The following NR1H2 variants were observed in gnomAD, a reference collection of about 807,000 sequenced individuals.
The protein encoded by NR1H2 is oxysterols receptor LXR-beta.
NR1H2 carries 33 observed loss-of-function variants against 51.2 expected under a neutral mutation model. The observed-to-expected ratio is 0.64, with a 90% CI of 0.49 to 0.86. The LOEUF (loss-of-function observed/expected upper bound fraction) is 0.86, where lower values mean the gene tolerates loss of function less well. Among genes scored for constraint, NR1H2 ranks in the 40% least tolerant of loss-of-function variants. The pLI is 0.00. For synonymous variants in NR1H2, 310 were observed against 264.3 expected, an observed-to-expected ratio of 1.17 and a Z score of -1.68; for missense variants, 592 against 639.9, an observed-to-expected ratio of 0.93 and a Z score of 0.81.
At chr19:50,377,513 C>T (rs2037686183) in intron 2 of NR1H2, 74 bp from the exon 3 acceptor site, 2 of 1,173,388 alleles carry the variant, frequency 1.7e-6, no homozygotes, top group Admixed American at 2.2e-5. Context: ...AGGGAAAGCC[C>T]TGTCAGGACC....
Position 50,377,869 on chromosome 19 carries a change from G to T in NR1H2, c.180G>T (p.Trp60Cys). 6.4e-7 allele frequency: 1 copy of T among 1,553,856 alleles called. No individual in the cohort carries two copies. Among genetic ancestry groups the T allele is most frequent in the African/African-American group, 1.4e-5 (1 of 72,616 alleles). ...DEASSACSTD[W>C]VIPDPEEEPE... ...CCAGCTCAGCCTGCAGCACAGACTGGGGTGAGACAGGGCCCTGGAGTTGAT... is the reference window on the plus strand; with the variant it reads ...CCAGCTCAGCCTGCAGCACAGACTGTGGTGAGACAGGGCCCTGGAGTTGAT... Residue 60 changes from tryptophan to cysteine, a missense_variant and splice_region_variant, in exon 4 of 10, where the codon TGG (tryptophan) becomes TGT (cysteine). Around this residue, in one of 3 missense-constraint regions of NR1H2, gnomAD observed 316 missense variants for 313.4 expected, o/e 1.01. Transcript: ENST00000253727.
intron 9 of NR1H2, 26 bp from the exon 10 acceptor site, chr19:50,382,430 C>T (rs1170425838): frequency 6.4e-7 from 1 of 1,565,348 alleles, no homozygotes; most frequent in African/African-American, 1.3e-5. Context: ...GGGGCTCAGC[C>T]AGCGCCCACC....
Position 50,377,795 on chromosome 19 carries a change from G to C in NR1H2, c.106G>C (p.Glu36Gln), listed in dbSNP as rs1247463965. 1.2e-6 allele frequency: 2 copies of C among 1,610,926 alleles called. No individual in the cohort carries two copies. Among genetic ancestry groups the C allele is most frequent in the African/African-American group, 1.3e-5 (1 of 74,844 alleles). ...SSPTVKEEGP[E>Q]PWPGGPDPDV... ...ACCCACTGTAAAGGAGGAGGGTCCG[G>C]AGCCGTGGCCCGGGGGTCCGGACCC... is the stretch of plus-strand genomic sequence containing the variant. Residue 36 changes from glutamate to glutamine, a missense_variant, in exon 4 of 10, where the codon GAG becomes CAG. Around this residue, in one of 3 missense-constraint regions of NR1H2, gnomAD observed 316 missense variants for 313.4 expected, o/e 1.01. Transcript: ENST00000253727.
intron 7 of NR1H2, 142 bp downstream of exon 7, chr19:50,379,323 G>A (rs546656466): frequency 4.4e-4 from 436 of 988,724 alleles, no homozygotes; most frequent in Admixed American, 1.6e-3. Flanking sequence ...AGGAGAGAAA[G>A]GAAAAAGGGT....
At chr19:50,377,529 C>G in intron 2 of NR1H2, 58 bp from the exon 3 acceptor site, 1 of 1,386,114 alleles carries the variant, frequency 7.2e-7, no homozygotes, top group Non-Finnish European at 1.0e-6. Flanking sequence ...GGACCTGTAA[C>G]TGACCTAACC....
rs538720434 is a variant in NR1H2 at position 50,383,258 on chromosome 19, T to C, written c.*656T>C. On this transcript the variant is annotated 3_prime_UTR_variant, in exon 10 of 10. Transcript: ENST00000253727. Reference sequence around the variant, plus strand: ...CTCACCCTTGAAGGATAAACAGGATTTAAGTGAATGAGGGGACCTGGACTT... The same window carrying C: ...CTCACCCTTGAAGGATAAACAGGATCTAAGTGAATGAGGGGACCTGGACTT... Among the ~76,000 whole-genome samples, 446 of 152,316 alleles carry C rather than the reference T, an allele frequency of 2.9e-3. 3 individuals carry two copies. Among genetic ancestry groups the C allele is most frequent in the Middle Eastern group, 6.8e-3 (2 of 294 alleles).
At chr19:50,380,034 C>T (rs534157539) in intron 8 of NR1H2, among the ~76,000 whole-genome samples, 155 bp downstream of exon 8, 12 of 152,280 alleles carry the variant, frequency 7.9e-5, no homozygotes, top group Non-Finnish European at 1.5e-4. Context: ...GCATGTGCCA[C>T]GTGTGGTGGT....
In NR1H2 at chr19:50,377,720, C is replaced by T; in HGVS notation, c.44-13C>T. The T allele has an allele frequency of 1.2e-6, 2 of 1,603,118 alleles. No individual in the cohort carries two copies. Among genetic ancestry groups the T allele is most frequent in the Non-Finnish European group, 1.7e-6 (2 of 1,174,320 alleles). On this transcript the variant is annotated splice_polypyrimidine_tract_variant and intron_variant, in intron 3 of 9. Transcript: ENST00000253727. ...AGCTCACTGTACCTCTCCCGGATTC[C>T]ACCCTCTTCCAGGAAATGGCCCCCC...
chr19:50,381,665 G>A (rs549955033), intron 8 of NR1H2, among the ~76,000 whole-genome samples: 1 of 152,318 alleles, frequency 6.6e-6, no homozygotes, highest in Admixed American at 6.5e-5. Context: ...TTGTGAAGGG[G>A]ACAAGAATAG....
chr19:50,377,285 C>T (rs2037682055), intron 2 of NR1H2: 2 of 350,100 alleles, frequency 5.7e-6, no homozygotes, highest in Non-Finnish European at 1.0e-5. Context: ...GCCGTGAAGG[C>T]AGAGCATGAT....
rs1334507452 is a variant in NR1H2, at chr19:50,378,556, G to T, written c.507G>T (p.Lys169Asn). The stretch of plus-strand genomic sequence containing the variant: ...CTGAAGAACAGATCCGGAAGAAGAA[G>T]ATTCGGAAACAGCAGCAGGAGTCAC... ...VLSEEQIRKK[K>N]IRKQQQESQS... Residue 169 changes from lysine to asparagine, a missense_variant, in exon 6 of 10, where the codon AAG becomes AAT. Transcript: ENST00000253727. The T allele has an allele frequency of 3.3e-6, 5 of 1,511,364 alleles. No homozygotes were observed. Among genetic ancestry groups the T allele is most frequent in the Non-Finnish European group, 4.4e-6 (5 of 1,139,206 alleles). The allele number at this position is 1,511,364 out of a possible 1,614,324, so 93.6% of individuals were successfully genotyped here.
chr19:50,378,231 T>G lies in NR1H2; in HGVS notation c.264T>G (p.Arg88=). ...APKMLGHELC[R]VCGDKASGFH... is the part of the protein sequence containing the mutation. Reference sequence around the variant, plus strand: ...AGATGCTGGGCCACGAGCTTTGCCGTGTCTGTGGGGACAAGGCCTCCGGCT... The same window carrying G: ...AGATGCTGGGCCACGAGCTTTGCCGGGTCTGTGGGGACAAGGCCTCCGGCT... Residue 88 remains arginine (R), a synonymous_variant, in exon 5 of 10, where the codon CGT becomes CGG. Coordinates refer to ENST00000253727, the MANE Select transcript of NR1H2 (RefSeq NM_007121.7). 1 of 1,613,624 alleles carries G rather than the reference T, an allele frequency of 6.2e-7. No individual in the cohort carries two copies. Among genetic ancestry groups the G allele is most frequent in the South Asian group, 1.1e-5 (1 of 91,090 alleles).
rs533961540 is a variant in NR1H2 at position 50,383,352 on chromosome 19, G to A, written c.*750G>A. ...GCACTGGGTTGGCCATTCTAGAGAT[G>A]GAGACATTCACCCAATAAATGTTTC... On this transcript the variant is annotated 3_prime_UTR_variant, in exon 10 of 10. Coordinates refer to ENST00000253727, the MANE Select transcript of NR1H2 (RefSeq NM_007121.7). 7.2e-5 allele frequency among the ~76,000 whole-genome samples: 11 copies of A among 152,340 alleles called. No homozygotes were observed. Among genetic ancestry groups the A allele is most frequent in the South Asian group, 6.2e-4 (3 of 4,834 alleles).
rs1163143759 is a variant in NR1H2 at position 50,382,016 on chromosome 19, C to T, written c.1078C>T (p.Arg360Trp). 2.6e-6 allele frequency: 4 copies of T among 1,568,476 alleles called. No individual in the cohort carries two copies. The highest frequency in any genetic ancestry group is 1.7e-6 in the Non-Finnish European group (2 of 1,156,196). ...NPIFEFSRAM[R>W]RLGLDDAEYA... The stretch of plus-strand genomic sequence containing the variant: ...CATCTTCGAGTTCTCGCGGGCCATG[C>T]GGCGGCTGGGCCTGGACGACGCTGA... The change falls in exon 9 of 10, where the codon CGG (arginine) becomes TGG (tryptophan). Residue 360 changes from arginine to tryptophan, a missense_variant. Around this residue, in one of 3 missense-constraint regions of NR1H2, gnomAD observed 174 missense variants for 174.0 expected, o/e 1.00. Transcript: ENST00000253727.
intron 8 of NR1H2, 22 bp from the exon 9 acceptor site, chr19:50,381,944 C>T (rs2303044): frequency 0.082 from 126,117 of 1,536,420 alleles, 5,970 homozygotes; most frequent in South Asian, 0.17. Context: ...GAGGGAGTCA[C>T]GGGCTGCCTC....
At position 50,381,945 on chromosome 19, in the gene NR1H2, G is replaced by C. The variant is rs2303043; in HGVS notation, c.1028-21G>C. ...CACGGTTTCGGGCTGAGGGAGTCAC[G>C]GGCTGCCTCCCGCCCCGCAGGCCTG... On this transcript the variant is annotated intron_variant, in intron 8 of 9. Transcript: ENST00000253727. 1.9e-6 allele frequency: 3 copies of C among 1,538,498 alleles called. No homozygotes were observed. In the African/African-American group the frequency reaches 4.1e-5, roughly 21 times the overall value.
Position 50,382,693 on chromosome 19 carries a change from C to T in NR1H2, c.*91C>T. The T allele has an allele frequency of 7.3e-7, 1 of 1,378,624 alleles. No homozygotes were observed. Among genetic ancestry groups the T allele is most frequent in the Non-Finnish European group, 9.7e-7 (1 of 1,026,002 alleles). 85.4% of individuals were successfully genotyped at this position (1,378,624 alleles called of 1,614,324 possible). A position where few individuals can be genotyped will look rare whatever the true frequency, so the allele number is the denominator to read the frequency against. On this transcript the variant is annotated 3_prime_UTR_variant, in exon 10 of 10. Transcript: ENST00000253727. ...TTCCTCTTCCTAGGGTGGAAGGGGC[C>T]CTGGGCCGAGCCTGTAGACCTATCG...
chr19:50,379,703 C>T (rs1601141998), intron 7 of NR1H2, 77 bp from the exon 8 acceptor site: 5 of 870,422 alleles, frequency 5.7e-6, no homozygotes, highest in East Asian at 4.9e-5. Flanking sequence ...ATTAGACCCC[C>T]ATTTGGGCCA....
In NR1H2 at chr19:50,379,080, A is replaced by G. The variant is rs777487245; in HGVS notation, c.826A>G (p.Ile276Val). The G allele has an allele frequency of 1.2e-6, 2 of 1,614,044 alleles. No individual in the cohort carries two copies. The highest frequency in any genetic ancestry group is 3.3e-5 in the Admixed American group (2 of 60,026). The change falls in exon 7 of 10, where the codon ATC becomes GTC. Residue 276 changes from isoleucine (I) to valine (V), a missense_variant. Ile to Val is a conservative substitution (Grantham distance 29, BLOSUM62 3). Around this residue, in one of 3 missense-constraint regions of NR1H2, gnomAD observed 102 missense variants for 152.4 expected, o/e 0.67. Coordinates refer to ENST00000253727, the MANE Select transcript of NR1H2 (RefSeq NM_007121.7). ...TGCCCACTTCACGGAGCTGGCCATC[A>G]TCTCAGTCCAGGAGATCGTGGACTT... ...RFAHFTELAI[I>V]SVQEIVDFAK... is the part of the protein sequence containing the mutation.
Sources: gnomAD v4.1 joint callset for allele counts (sites outside exome capture counted in the v4.1 genomes callset) on GRCh38, gnomAD v4.1.1 for gene constraint, gnomAD v4.1.1 regional missense constraint, MANE v1.5 for transcripts, NCBI Gene and HGNC (gene_info 2026-07-23, HGNC 2026-07-21) for gene names.